PACS2: variants seen among roughly 807,000 people sequenced by gnomAD.
PACS2 encodes PACS1-like protein.
In PACS2, 36 loss-of-function variants were observed where a neutral mutation model predicts 113.0. The observed-to-expected ratio is 0.32, with a 90% CI of 0.24 to 0.42. The LOEUF (loss-of-function observed/expected upper bound fraction) is 0.42. Among genes scored for constraint, PACS2 ranks in the 10% least tolerant of loss-of-function variants. The pLI is 1.00. For synonymous variants in PACS2, 589 were observed against 536.1 expected, an observed-to-expected ratio of 1.10 and a Z score of -1.36; for missense variants, 1,015 against 1,239.5, an observed-to-expected ratio of 0.82 and a Z score of 2.72.
intron 1 of PACS2, among the ~76,000 whole-genome samples, chr14:105,335,488 C>T (rs994760416): frequency 6.6e-6 from 1 of 152,232 alleles, no homozygotes; most frequent in Non-Finnish European, 1.5e-5. Context: ...GATGTGCTGA[C>T]TCCGGCACCA....
chr14:105,338,156 G>A (rs1218450931), intron 1 of PACS2, among the ~76,000 whole-genome samples: 5 of 152,172 alleles, frequency 3.3e-5, no homozygotes, highest in Admixed American at 6.5e-5. Context: ...AGTGACCTGC[G>A]GAGGACTTCC....
intron 8 of PACS2, chr14:105,374,546 C>G (rs1487367972): frequency 3.3e-5 from 5 of 152,224 alleles, no homozygotes; most frequent in African/African-American, 7.2e-5. Context: ...GAGCTGGGGC[C>G]CGCCCACTCC....
intron 1 of PACS2, among the ~76,000 whole-genome samples, chr14:105,322,583 T>C (rs2058939924): frequency 6.6e-6 from 1 of 152,378 alleles, no homozygotes; most frequent in East Asian, 1.9e-4. Context: ...TACATTTTAA[T>C]GTGCATAGTT....
chr14:105,357,084 A>G lies in PACS2; in HGVS notation c.423+1907A>G, dbSNP rs1024073343. 6.6e-6 allele frequency among the ~76,000 whole-genome samples: 1 copy of G among 151,976 alleles called. No individual in the cohort carries two copies. Among genetic ancestry groups the G allele is most frequent in the Non-Finnish European group, 1.5e-5 (1 of 67,976 alleles). ...TCCTGCCCCAGGCTGCTCCGCCCAC[A>G]TCTCTCAGTCTGCACCCCAGTGCCC... On this transcript the variant is annotated intron_variant, in intron 4 of 24. Transcript: ENST00000447393. This position sits in a 1 kb window ranked among gnomAD's most constrained non-coding sequence, Gnocchi z 5.1.
chr14:105,330,275 C>T lies in PACS2; in HGVS notation c.119+15238C>T, dbSNP rs1485564334. Among the ~76,000 whole-genome samples the T allele has an allele frequency of 1.6e-5, 1 of 62,740 alleles. No homozygotes were observed. The highest frequency in any genetic ancestry group is 3.0e-5 in the Non-Finnish European group (1 of 33,740). 41.2% of individuals were successfully genotyped at this position (62,740 alleles called of 152,430 possible). ...AGAAGCCTGGGGTCCGTGTGTGGGA[C>T]GGAATGGGGACAGGAGCCTCCGAGA... On this transcript the variant is annotated intron_variant, in intron 1 of 24. Transcript: ENST00000447393. This position sits in a 1 kb window ranked among gnomAD's most constrained non-coding sequence, Gnocchi z 6.9.
At chr14:105,371,364 A>G (rs1321825476) in intron 8 of PACS2, 1 of 152,240 alleles carries the variant, frequency 6.6e-6, no homozygotes, top group Non-Finnish European at 1.5e-5. Flanking sequence ...TCACCTGGGC[A>G]ACTGAACTGA....
chr14:105,389,662 C>T lies in PACS2; in HGVS notation c.2034-299C>T, dbSNP rs75449097. ...CCTAGGATGGCAGAGTGAATCCCTCCGTGGAGCTGTGCCCTCTGGCCTGTC... is the reference window on the plus strand; with the variant it reads ...CCTAGGATGGCAGAGTGAATCCCTCTGTGGAGCTGTGCCCTCTGGCCTGTC... On this transcript the variant is annotated intron_variant, in intron 19 of 24. Transcript: ENST00000447393. 237 of 449,196 alleles carry T rather than the reference C, an allele frequency of 5.3e-4. No homozygotes were observed. In the East Asian group the frequency reaches 7.9e-3, roughly 15 times the overall value. 27.8% of individuals were successfully genotyped at this position (449,196 alleles called of 1,614,324 possible). A position where few individuals can be genotyped will look rare whatever the true frequency, so the allele number is the denominator to read the frequency against.
At chr14:105,310,259 A>G (rs2058312874), upstream of PACS2, among the ~76,000 whole-genome samples, 1 of 151,004 alleles carries the variant, frequency 6.6e-6, no homozygotes, top group African/African-American at 2.4e-5. Context: ...AGCCAGGCAC[A>G]GTGGCTCACG....
chr14:105,349,374 G>T (rs1342241795), intron 2 of PACS2, among the ~76,000 whole-genome samples: 1 of 152,232 alleles, frequency 6.6e-6, no homozygotes, highest in African/African-American at 2.4e-5. Flanking sequence ...TGACAGGGTG[G>T]GGTCTCAGTG....
chr14:105,354,790 A>C lies in PACS2; in HGVS notation c.298-262A>C, dbSNP rs1258114392. 1.3e-5 allele frequency among the ~76,000 whole-genome samples: 2 copies of C among 152,208 alleles called. No individual in the cohort carries two copies. The highest frequency in any genetic ancestry group is 1.3e-4 in the Admixed American group (2 of 15,282). On this transcript the variant is annotated intron_variant, in intron 3 of 24. Coordinates refer to ENST00000447393, the MANE Select transcript of PACS2 (RefSeq NM_001100913.3). This position sits in a 1 kb window ranked among gnomAD's most constrained non-coding sequence, Gnocchi z 4.2. The stretch of plus-strand genomic sequence containing the variant: ...AGCACATAGTCCTTGTCCACCTGCC[A>C]TGGCTGTTAGCGTGGCGCGGAGCCC...
At chr14:105,339,531 A>G (rs1179143221) in intron 1 of PACS2, among the ~76,000 whole-genome samples, 2 of 148,236 alleles carry the variant, frequency 1.3e-5, no homozygotes, top group Non-Finnish European at 3.0e-5. Context: ...AAAAGGAAGA[A>G]AAAGAAAAGA....
intron 15 of PACS2, 156 bp downstream of exon 15, chr14:105,383,069 C>G: frequency 1.6e-6 from 1 of 630,562 alleles, no homozygotes; most frequent in Admixed American, 2.5e-5. Flanking sequence ...GCAGCCTGGC[C>G]TCCCCTCAGT....
intron 4 of PACS2, among the ~76,000 whole-genome samples, chr14:105,364,658 G>A (rs1232066069): frequency 2.0e-5 from 3 of 149,048 alleles, no homozygotes; most frequent in Non-Finnish European, 4.5e-5. Context: ...TGTAGTATTT[G>A]TACAATTAAG....
In PACS2 at chr14:105,355,296, G is replaced by A; in HGVS notation, c.423+119G>A. 21 of 1,242,882 alleles carry A rather than the reference G, an allele frequency of 1.7e-5. No homozygotes were observed. The highest frequency in any genetic ancestry group is 2.1e-5 in the Non-Finnish European group (19 of 913,652). 77.0% of individuals were successfully genotyped at this position (1,242,882 alleles called of 1,614,324 possible). A position where few individuals can be genotyped will look rare whatever the true frequency, so the allele number is the denominator to read the frequency against. On this transcript the variant is annotated intron_variant, in intron 4 of 24. Coordinates refer to ENST00000447393, the MANE Select transcript of PACS2 (RefSeq NM_001100913.3). The surrounding 1 kb of genome is among the most constrained non-coding windows in gnomAD (Gnocchi z 4.1). ...AGATGTCCAGGGATCAGGTGAAAAT[G>A]ATGAGAGGAGCCTGGGCGGCCGGGC...
At chr14:105,361,766 A>G (rs2060691785) in intron 4 of PACS2, among the ~76,000 whole-genome samples, 1 of 152,150 alleles carries the variant, frequency 6.6e-6, no homozygotes, top group Non-Finnish European at 1.5e-5. Flanking sequence ...CCTGACCAAC[A>G]TGGAGAAACC....
rs1327487761 is a variant in PACS2, at chr14:105,397,966, A to G, written c.*3294A>G. The G allele has an allele frequency of 2.0e-5, 3 of 151,300 alleles. No individual in the cohort carries two copies. The highest frequency in any genetic ancestry group is 7.3e-5 in the African/African-American group (3 of 41,018). 9.4% of individuals were successfully genotyped at this position (151,300 alleles called of 1,614,324 possible). On this transcript the variant is annotated 3_prime_UTR_variant, in exon 25 of 25. Transcript: ENST00000447393. ...AGAAGCACCACTGTAGTTTCTGCAG[A>G]CCCCCATGCGGTTCATTGTGCATTG...
At chr14:105,303,956 T>C (rs978378248) in intron 1 of PACS2, among the ~76,000 whole-genome samples, 3 of 152,196 alleles carry the variant, frequency 2.0e-5, no homozygotes, top group Non-Finnish European at 4.4e-5. Context: ...AAAGCCAGAA[T>C]CCAATCTGAG....
rs771242472 is a variant in PACS2, at chr14:105,330,762, G to A, written c.119+15725G>A. On this transcript the variant is annotated intron_variant, in intron 1 of 24. Coordinates refer to ENST00000447393, the MANE Select transcript of PACS2 (RefSeq NM_001100913.3). The surrounding 1 kb of genome is among the most constrained non-coding windows in gnomAD (Gnocchi z 6.9). ...GCTGGCCTTGTTTCAGCTTCCTGAC[G>A]AGTGCCCTGTGGTCAGTCATTTCTG... 1.3e-5 allele frequency among the ~76,000 whole-genome samples: 2 copies of A among 152,230 alleles called. No homozygotes were observed. The highest frequency in any genetic ancestry group is 4.1e-4 in the South Asian group (2 of 4,834).
intron 1 of PACS2, among the ~76,000 whole-genome samples, chr14:105,326,544 G>T (rs2059115574): frequency 6.6e-6 from 1 of 152,216 alleles, no homozygotes; most frequent in African/African-American, 2.4e-5. Flanking sequence ...GTGCCCGCCG[G>T]TGCCTCTAGA....
Sources: allele counts gnomAD v4.1 joint callset (sites outside exome capture counted in the v4.1 genomes callset), GRCh38; gene constraint gnomAD v4.1.1; non-coding constraint Gnocchi (gnomAD v3.1); transcripts MANE v1.5; gene names NCBI Gene and HGNC (gene_info 2026-07-23, HGNC 2026-07-21).